EBF1: variants seen among roughly 807,000 people sequenced by gnomAD.
EBF1 encodes the protein transcription factor COE1.
EBF1 carries 10 observed loss-of-function variants against 68.4 expected under a neutral mutation model. The ratio of observed to expected loss-of-function variants is 0.15; its 90% CI spans 0.09 to 0.25. EBF1 has a LOEUF of 0.25. Ranked by LOEUF, EBF1 falls within the 10% of genes least tolerant of loss-of-function variation. EBF1 has a pLI of 1.00. For missense variants in EBF1, 509 were observed against 794.4 expected (o/e 0.64, Z 4.32); for synonymous variants, 298 against 299.8 (o/e 0.99, Z 0.06).
intron 11 of EBF1, among the ~76,000 whole-genome samples, chr5:158,721,403 C>A (rs989841102): frequency 2.0e-5 from 3 of 151,780 alleles, no homozygotes; most frequent in African/African-American, 7.3e-5. Context: ...TGTTTTCAAG[C>A]AACTGTTATT....
At chr5:158,749,618 T>A (rs1301628145) in intron 10 of EBF1, among the ~76,000 whole-genome samples, 2 of 152,080 alleles carry the variant, frequency 1.3e-5, no homozygotes, top group Non-Finnish European at 2.9e-5. Context: ...AGCAATGCCA[T>A]TAGTTGTGAC....
At chr5:158,863,272 C>T (rs988645389) in intron 6 of EBF1, among the ~76,000 whole-genome samples, 1 of 152,114 alleles carries the variant, frequency 6.6e-6, no homozygotes. Flanking sequence ...ATCACAACTC[C>T]TACCTCTCCC....
At chr5:159,078,243 C>T (rs993295324) in intron 5 of EBF1, among the ~76,000 whole-genome samples, 2 of 152,032 alleles carry the variant, frequency 1.3e-5, no homozygotes, top group African/African-American at 4.8e-5. Context: ...GGTAGAACTG[C>T]CCATAGTTCT....
At chr5:158,738,623 C>T (rs1489191443) in intron 10 of EBF1, among the ~76,000 whole-genome samples, 1 of 152,112 alleles carries the variant, frequency 6.6e-6, no homozygotes, top group Non-Finnish European at 1.5e-5. Context: ...TCCTTGGTTC[C>T]TACAATATGC....
intron 6 of EBF1, among the ~76,000 whole-genome samples, chr5:158,840,451 A>G (rs150271729): frequency 6.6e-6 from 1 of 152,312 alleles, no homozygotes; most frequent in Non-Finnish European, 1.5e-5. Context: ...CATGGTCCCC[A>G]ACGACAACAT....
intron 6 of EBF1, among the ~76,000 whole-genome samples, chr5:159,035,815 C>T (rs1274659097): frequency 1.3e-5 from 2 of 152,170 alleles, no homozygotes; most frequent in African/African-American, 4.8e-5. Flanking sequence ...AATTATTGCC[C>T]TTCCCAGGGT....
chr5:159,029,953 C>T (rs1257719271), intron 6 of EBF1, among the ~76,000 whole-genome samples: 1 of 147,448 alleles, frequency 6.8e-6, no homozygotes, highest in Non-Finnish European at 1.5e-5. Context: ...AGCAAAACTC[C>T]TTCTAAAAAA....
chr5:158,989,184 GAC>G (rs1759761092), intron 6 of EBF1, among the ~76,000 whole-genome samples: 2 of 152,276 alleles, frequency 1.3e-5, no homozygotes, highest in Admixed American at 1.3e-4. Flanking sequence ...ACAGCAGCTG[GAC>G]AGCGACAGTC....
At chr5:158,787,764 C>T (rs1019796046) in intron 9 of EBF1, among the ~76,000 whole-genome samples, 1 of 152,166 alleles carries the variant, frequency 6.6e-6, no homozygotes, top group African/African-American at 2.4e-5. Context: ...TGACACAATT[C>T]CTGTAACAAG....
intron 6 of EBF1, among the ~76,000 whole-genome samples, chr5:159,030,677 G>A (rs911056927): frequency 6.6e-6 from 1 of 152,224 alleles, no homozygotes; most frequent in East Asian, 1.9e-4. Context: ...AGAGAAAGAA[G>A]TCTGGGTCGC....
At chr5:159,095,147 T>A (rs1782358993) in intron 4 of EBF1, among the ~76,000 whole-genome samples, 1 of 152,154 alleles carries the variant, frequency 6.6e-6, no homozygotes, top group Admixed American at 6.5e-5. Flanking sequence ...ATCTGCAGAA[T>A]GGTCATCTGC....
intron 9 of EBF1, among the ~76,000 whole-genome samples, chr5:158,791,332 A>G (rs2127728697): frequency 6.6e-6 from 1 of 152,068 alleles, no homozygotes; most frequent in South Asian, 2.1e-4. Flanking sequence ...AAAAAAAAAA[A>G]AAAAAGGAAT....
chr5:159,086,025 T>C (rs1234709307), intron 4 of EBF1, among the ~76,000 whole-genome samples: 1 of 152,146 alleles, frequency 6.6e-6, no homozygotes, highest in African/African-American at 2.4e-5. Context: ...TTCTCCACCA[T>C]TGGCCCATCG....
rs567093093 is a variant in EBF1, at chr5:158,954,209, C to T, written c.555-114099G>A. Among the ~76,000 whole-genome samples the T allele has an allele frequency of 7.9e-5, 12 of 151,580 alleles. No individual in the cohort carries two copies. The South Asian group carries it at 1.2e-3, about 16-fold the overall frequency. ...TATGCCCGTGCGGCTGATGGGGTGG[C>T]GTGGAGGTTGTAAACTGAAGACCCA... On this transcript the variant is annotated intron_variant, in intron 6 of 15. Coordinates refer to ENST00000313708, the MANE Select transcript of EBF1 (RefSeq NM_024007.5).
chr5:158,998,676 A>G (rs1761933629), intron 6 of EBF1, among the ~76,000 whole-genome samples: 1 of 152,210 alleles, frequency 6.6e-6, no homozygotes, highest in African/African-American at 2.4e-5. Flanking sequence ...AGCTATTTTC[A>G]GCAAAATTAT....
chr5:158,760,336 T>G (rs1771135345), intron 10 of EBF1, among the ~76,000 whole-genome samples: 1 of 152,182 alleles, frequency 6.6e-6, no homozygotes, highest in Admixed American at 6.6e-5. Context: ...ATTTAGTGAC[T>G]TAACAAGAAA....
intron 6 of EBF1, among the ~76,000 whole-genome samples, chr5:158,843,682 G>A (rs1260689681): frequency 1.3e-5 from 2 of 152,222 alleles, no homozygotes; most frequent in African/African-American, 4.8e-5. Flanking sequence ...GGGAAAGCCA[G>A]CCCTACCCCA....
chr5:158,829,184 T>A (rs545196988), intron 7 of EBF1, among the ~76,000 whole-genome samples: 2 of 152,284 alleles, frequency 1.3e-5, no homozygotes, highest in African/African-American at 4.8e-5. Flanking sequence ...TTTAAATTGA[T>A]GTTGATTTTT....
At chr5:158,948,665 T>G (rs987825557) in intron 6 of EBF1, among the ~76,000 whole-genome samples, 7 of 152,194 alleles carry the variant, frequency 4.6e-5, no homozygotes, top group African/African-American at 1.4e-4. Flanking sequence ...GAGGCCGGTC[T>G]GCGCTCTCCC....
Sources: allele counts gnomAD v4.1 joint callset (sites outside exome capture counted in the v4.1 genomes callset), GRCh38; gene constraint gnomAD v4.1.1; transcripts MANE v1.5; gene names NCBI Gene and HGNC (gene_info 2026-07-23, HGNC 2026-07-21).